CNGB3: variants seen among roughly 807,000 people sequenced by gnomAD.
The protein encoded by CNGB3 is cyclic nucleotide-gated channel beta-3.
A neutral mutation model predicts 92.8 loss-of-function variants in CNGB3; 86 were observed. The observed-to-expected ratio is 0.93, with a 90% CI of 0.78 to 1.11. CNGB3 has a LOEUF of 1.11. Ranked by LOEUF, CNGB3 falls within the 50% of genes least tolerant of loss-of-function variation. The pLI is 0.00. For missense variants in CNGB3, 1,026 were observed against 956.8 expected (o/e 1.07, Z -0.95); for synonymous variants, 333 against 332.7 (o/e 1.00, Z -0.01).
intron 3 of CNGB3, among the ~76,000 whole-genome samples, chr8:86,683,292 C>T (rs954106453): frequency 9.9e-5 from 15 of 151,966 alleles, no homozygotes; most frequent in African/African-American, 3.6e-4. Context: ...AACAAAAACC[C>T]AGGAAGATAC....
chr8:86,617,202 G>A (rs189672324), intron 13 of CNGB3, among the ~76,000 whole-genome samples: 5 of 152,226 alleles, frequency 3.3e-5, no homozygotes, highest in East Asian at 1.9e-4. Context: ...GGCAAGCTCC[G>A]AATACAATTG....
chr8:86,715,062 G>A (rs1057095920), intron 3 of CNGB3, among the ~76,000 whole-genome samples: 3 of 152,002 alleles, frequency 2.0e-5, no homozygotes, highest in East Asian at 3.9e-4. Context: ...TACCCACTCC[G>A]TTTGCTGAAG....
intron 15 of CNGB3, among the ~76,000 whole-genome samples, chr8:86,583,983 A>G (rs1227783503): frequency 1.3e-5 from 2 of 150,622 alleles, no homozygotes; most frequent in South Asian, 4.2e-4. Context: ...TATATTTGGA[A>G]TCTTTAAATA....
rs71275869 is a variant in CNGB3 at position 86,632,198 on chromosome 8, CAAA to C, written c.1320+551_1320+553del. Among the ~76,000 whole-genome samples the C allele has an allele frequency of 1.4e-3, 101 of 70,556 alleles. No individual in the cohort carries two copies. The South Asian group carries it at 0.03, about 21-fold the overall frequency. 46.3% of individuals were successfully genotyped at this position (70,556 alleles called of 152,430 possible). A position where few individuals can be genotyped will look rare whatever the true frequency, so the allele number is the denominator to read the frequency against. On this transcript the variant is annotated intron_variant, in intron 11 of 17. Coordinates refer to ENST00000320005, the MANE Select transcript of CNGB3 (RefSeq NM_019098.5). Reference sequence around the variant, plus strand: ...TGGGTGACAGAGCAAGACCCTGTCTCAAAAAAAAAAAAAAAAAAAAAGGGCTCT... The same window carrying C: ...TGGGTGACAGAGCAAGACCCTGTCTCAAAAAAAAAAAAAAAAAAGGGCTCT...
chr8:86,611,986 T>C (rs1822531174), intron 13 of CNGB3, among the ~76,000 whole-genome samples: 1 of 152,122 alleles, frequency 6.6e-6, no homozygotes, highest in South Asian at 2.1e-4. Context: ...TAACAAAAAC[T>C]TAATGTGGTA....
At chr8:86,661,934 A>G in intron 6 of CNGB3, 1 of 698,190 alleles carries the variant, frequency 1.4e-6, no homozygotes, top group South Asian at 1.7e-5. Context: ...ATCTCTAGGC[A>G]CGAGAAGAGG....
At chr8:86,726,077 C>T (rs910430719) in intron 3 of CNGB3, among the ~76,000 whole-genome samples, 18 of 152,032 alleles carry the variant, frequency 1.2e-4, no homozygotes, top group African/African-American at 4.1e-4. Flanking sequence ...TGTAATTATT[C>T]CTGGTTAGCA....
chr8:86,695,805 G>T (rs1230869190), intron 3 of CNGB3, among the ~76,000 whole-genome samples: 1 of 152,094 alleles, frequency 6.6e-6, no homozygotes, highest in Non-Finnish European at 1.5e-5. Flanking sequence ...GGACTCAAGG[G>T]CTGCTGTTCA....
intron 2 of CNGB3, among the ~76,000 whole-genome samples, chr8:86,735,132 T>A (rs1328948303): frequency 1.4e-4 from 15 of 106,438 alleles, no homozygotes; most frequent in Admixed American, 9.7e-4. Flanking sequence ...ATTTCATTTT[T>A]AAAATGGTTG....
chr8:86,641,234 A>C (rs1051463604), intron 10 of CNGB3, among the ~76,000 whole-genome samples: 1 of 152,024 alleles, frequency 6.6e-6, no homozygotes. Flanking sequence ...GGAACCCTCA[A>C]TTCTGGGAAT....
chr8:86,702,909 A>G (rs969225358), intron 3 of CNGB3, among the ~76,000 whole-genome samples: 17 of 151,912 alleles, frequency 1.1e-4, no homozygotes, highest in Non-Finnish European at 2.5e-4. Flanking sequence ...AATTATTCAT[A>G]TTTGCCTTTG....
chr8:86,692,544 A>T (rs914980368), intron 3 of CNGB3, among the ~76,000 whole-genome samples: 4 of 151,688 alleles, frequency 2.6e-5, no homozygotes, highest in African/African-American at 9.7e-5. Context: ...AATAACAGCT[A>T]CTCCTGGTTG....
rs539361498 is a variant in CNGB3, at chr8:86,693,861, G to A, written c.339-22763C>T. Among the ~76,000 whole-genome samples the A allele has an allele frequency of 6.6e-5, 10 of 152,168 alleles. No individual in the cohort carries two copies. In the South Asian group the frequency reaches 1.2e-3, roughly 19 times the overall value. On this transcript the variant is annotated intron_variant, in intron 3 of 17. Coordinates refer to ENST00000320005, the MANE Select transcript of CNGB3 (RefSeq NM_019098.5). ...TGTCTACTTCTCTCTACACAGACACGGCAACCATCCGACCTCTCAATCTTT... is the reference window on the plus strand; with the variant it reads ...TGTCTACTTCTCTCTACACAGACACAGCAACCATCCGACCTCTCAATCTTT...
At chr8:86,685,594 G>T (rs184531871) in intron 3 of CNGB3, among the ~76,000 whole-genome samples, 1 of 152,044 alleles carries the variant, frequency 6.6e-6, no homozygotes, top group Non-Finnish European at 1.5e-5. Context: ...TATCACTAAC[G>T]ATTCTCGCAA....
chr8:86,598,051 C>T (rs964534602), intron 15 of CNGB3, among the ~76,000 whole-genome samples: 10 of 152,094 alleles, frequency 6.6e-5, no homozygotes, highest in Admixed American at 5.2e-4. Context: ...GAGTCAGGTG[C>T]AACCTGAAGT....
At chr8:86,743,414 T>C (rs948647250) in intron 1 of CNGB3, 85 bp downstream of exon 1, 79 of 1,511,628 alleles carry the variant, frequency 5.2e-5, no homozygotes, top group Non-Finnish European at 7.2e-5. Context: ...TACTAAACAA[T>C]CATATATCGT....
At chr8:86,693,438 TA>T (rs1824359562) in intron 3 of CNGB3, among the ~76,000 whole-genome samples, 1 of 115,754 alleles carries the variant, frequency 8.6e-6, no homozygotes, top group East Asian at 2.4e-4. Context: ...TATTATTATT[TA>T]TTTATTTATT....
chr8:86,701,426 T>TG (rs1455659498), intron 3 of CNGB3, among the ~76,000 whole-genome samples: 2 of 152,098 alleles, frequency 1.3e-5, no homozygotes, highest in Non-Finnish European at 2.9e-5. Context: ...TTTTGTGAAG[T>TG]GGGGCACAGA....
At chr8:86,706,089 C>A (rs1448028622) in intron 3 of CNGB3, among the ~76,000 whole-genome samples, 2 of 152,172 alleles carry the variant, frequency 1.3e-5, no homozygotes, top group South Asian at 4.1e-4. Flanking sequence ...AAACAAAACA[C>A]AATTCCTTTC....
Sources: allele counts gnomAD v4.1 joint callset (sites outside exome capture counted in the v4.1 genomes callset), GRCh38; gene constraint gnomAD v4.1.1; transcripts MANE v1.5; gene names NCBI Gene and HGNC (gene_info 2026-07-23, HGNC 2026-07-21).